SCRT2: variants seen among roughly 807,000 people sequenced by gnomAD.
SCRT2 encodes scratch family transcriptional repressor 2.
SCRT2 carries 2 observed loss-of-function variants against 3.7 expected under a neutral mutation model. The observed-to-expected ratio is 0.54, with a 90% confidence interval of 0.22 to 1.70. SCRT2 has a LOEUF of 1.70. Ranked by LOEUF, SCRT2 falls within the 40% of genes most tolerant of loss-of-function variation. SCRT2 has a pLI of 0.19. For synonymous variants in SCRT2, 256 were observed against 220.6 expected (o/e 1.16, Z -1.42); for missense variants, 456 against 468.5 (o/e 0.97, Z 0.25).
chr20:666,181 G>A lies in SCRT2; in HGVS notation c.134-1720C>T, dbSNP rs374486264. ...GGGGGGCTCTGTGGTTGGATGTAAA[G>A]GGGGATAGTGATAGTGGCAATTTTT... On this transcript the variant is annotated intron_variant, in intron 1 of 1. Transcript: ENST00000246104. The surrounding 1 kb of genome is among the most constrained non-coding windows in gnomAD (Gnocchi z 4.4). Among the ~76,000 whole-genome samples, 28 of 152,248 alleles carry A rather than the reference G, an allele frequency of 1.8e-4. No individual in the cohort carries two copies. In the East Asian group the frequency reaches 5.0e-3, roughly 27 times the overall value.
rs1472553281 is a variant in SCRT2 at position 663,681 on chromosome 20, G to C, written c.914C>G (p.Pro305Arg). 3.3e-6 allele frequency: 5 copies of C among 1,498,968 alleles called. No individual in the cohort carries two copies. The highest frequency in any genetic ancestry group is 4.4e-6 in the Non-Finnish European group (5 of 1,126,738). 92.9% of individuals were successfully genotyped at this position (1,498,968 alleles called of 1,614,324 possible). A position where few individuals can be genotyped will look rare whatever the true frequency, so the allele number is the denominator to read the frequency against. The change falls in exon 2 of 2, where the codon CCG (proline) becomes CGG (arginine). Residue 305 changes from proline to arginine, a missense_variant. Physicochemically the swap from Pro to Arg is moderately radical, Grantham distance 103. Around this residue, in one of 3 missense-constraint regions of SCRT2, gnomAD observed 144 missense variants for 141.9 expected, o/e 1.01. Coordinates refer to ENST00000246104, the MANE Select transcript of SCRT2 (RefSeq NM_033129.4). The surrounding 1 kb of genome is among the most constrained non-coding windows in gnomAD (Gnocchi z 6.9). ...AEPPPPTPAGPAS is the reference protein window; with the variant it reads ...AEPPPPTPAGRAS The stretch of plus-strand genomic sequence containing the variant: ...GGCGAGGCGGAAGGCTCAGCTGGCC[G>C]GGCCGGCGGGGGTCGGCGGGGGTGG...
Position 663,567 on chromosome 20 carries a change from G to A in SCRT2, c.*104C>T. 9 of 1,127,248 alleles carry A rather than the reference G, an allele frequency of 8.0e-6. No homozygotes were observed. Among genetic ancestry groups the A allele is most frequent in the Non-Finnish European group, 1.0e-5 (9 of 878,628 alleles). The allele number at this position is 1,127,248 out of a possible 1,614,324, so 69.8% of individuals were successfully genotyped here. On this transcript the variant is annotated 3_prime_UTR_variant, in exon 2 of 2. Transcript: ENST00000246104. The surrounding 1 kb of genome is among the most constrained non-coding windows in gnomAD (Gnocchi z 6.9). ...CGGGGGTCCCCACGAGAGGGTCATG[G>A]GCAGGGAAACGCAGCCGGGGCTGGG...
chr20:669,881 GC>G, intron 1 of SCRT2, among the ~76,000 whole-genome samples: 1 of 152,224 alleles, frequency 6.6e-6, no homozygotes, highest in East Asian at 1.9e-4. Flanking sequence ...AGGCCTGGCA[GC>G]TGGTACATCT....
In SCRT2 at chr20:667,917, C is replaced by G. The variant is rs1422751552; in HGVS notation, c.134-3456G>C. ...AGATGGACTGGAATGGTCTAAAGAC[C>G]CTTTCTGCATCATGGCTGAATCAGT... On this transcript the variant is annotated intron_variant, in intron 1 of 1. Coordinates refer to ENST00000246104, the MANE Select transcript of SCRT2 (RefSeq NM_033129.4). The surrounding 1 kb of genome is among the most constrained non-coding windows in gnomAD (Gnocchi z 4.4). Among the ~76,000 whole-genome samples, 1 of 152,076 alleles carries G rather than the reference C, an allele frequency of 6.6e-6. No homozygotes were observed. Among genetic ancestry groups the G allele is most frequent in the South Asian group, 2.1e-4 (1 of 4,820 alleles).
rs1289158172 is a variant in SCRT2, at chr20:675,066, A to ACCT, written c.133+400_133+402dup. On this transcript the variant is annotated intron_variant, in intron 1 of 1. Coordinates refer to ENST00000246104, the MANE Select transcript of SCRT2 (RefSeq NM_033129.4). This position sits in a 1 kb window ranked among gnomAD's most constrained non-coding sequence, Gnocchi z 6.9. ...AGGGACTGAACATCCAGGGCTCTTT[A>ACCT]CCTTCCCCCTTCCCGGGCAGCCAGC... Among the ~76,000 whole-genome samples, 14 of 151,994 alleles carry ACCT rather than the reference A, an allele frequency of 9.2e-5. 1 individual carries two copies. Among genetic ancestry groups the ACCT allele is most frequent in the African/African-American group, 3.1e-4 (13 of 41,442 alleles).
In SCRT2 at chr20:663,280, A is replaced by C; in HGVS notation, c.*391T>G. 2 of 200,114 alleles carry C rather than the reference A, an allele frequency of 1.0e-5. No homozygotes were observed. The highest frequency in any genetic ancestry group is 1.0e-5 in the Non-Finnish European group (1 of 99,794). The allele number at this position is 200,114 out of a possible 1,614,324, so 12.4% of individuals were successfully genotyped here. A position where few individuals can be genotyped will look rare whatever the true frequency, so the allele number is the denominator to read the frequency against. ...TGGGGGCTCCAGTAGAGGAATGGTC[A>C]GAGAGATTCAGCTGAGAAGCGAGAG... On this transcript the variant is annotated 3_prime_UTR_variant, in exon 2 of 2. Transcript: ENST00000246104. The surrounding 1 kb of genome is among the most constrained non-coding windows in gnomAD (Gnocchi z 6.9).
Position 664,221 on chromosome 20 carries a change from C to T in SCRT2, c.374G>A (p.Gly125Asp), listed in dbSNP as rs1984073331. ...DGRSRRRRGG[G>D]GGDAGGSGDA... The stretch of plus-strand genomic sequence containing the variant: ...TCCCGAGCCCCCCGCGTCCCCGCCG[C>T]CCCCGCCCCGCCGCCGCCGCGAGCG... Residue 125 changes from glycine to aspartate, a missense_variant, in exon 2 of 2, where the codon GGC becomes GAC. By Grantham distance (94) the Gly-to-Asp change is moderately conservative. This residue lies in a region of SCRT2 where 306 missense variants were observed against 305.3 expected (regional missense o/e 1.00). Transcript: ENST00000246104. This position sits in a 1 kb window ranked among gnomAD's most constrained non-coding sequence, Gnocchi z 7.9. 2 of 1,276,846 alleles carry T rather than the reference C, an allele frequency of 1.6e-6. No individual in the cohort carries two copies. Among genetic ancestry groups the T allele is most frequent in the Non-Finnish European group, 2.0e-6 (2 of 1,004,384 alleles). 79.1% of individuals were successfully genotyped at this position (1,276,846 alleles called of 1,614,324 possible). A position where few individuals can be genotyped will look rare whatever the true frequency, so the allele number is the denominator to read the frequency against.
At chr20:669,125 G>A (rs1029025188) in intron 1 of SCRT2, among the ~76,000 whole-genome samples, 11 of 149,170 alleles carry the variant, frequency 7.4e-5, no homozygotes, top group African/African-American at 2.7e-4. Flanking sequence ...TAGTTAGCCT[G>A]TGGTGGGGTG....
In SCRT2 at chr20:663,513, G is replaced by A; in HGVS notation, c.*158C>T. Reference sequence around the variant, plus strand: ...GTGTGGAAGTGAGTCGTGGGTTTGGGGGTTGGGGAGAAAAGTTCCGGGCCG... The same window carrying A: ...GTGTGGAAGTGAGTCGTGGGTTTGGAGGTTGGGGAGAAAAGTTCCGGGCCG... On this transcript the variant is annotated 3_prime_UTR_variant, in exon 2 of 2. Coordinates refer to ENST00000246104, the MANE Select transcript of SCRT2 (RefSeq NM_033129.4). The surrounding 1 kb of genome is among the most constrained non-coding windows in gnomAD (Gnocchi z 6.9). The A allele has an allele frequency of 3.4e-6, 2 of 586,500 alleles. No homozygotes were observed. The highest frequency in any genetic ancestry group is 5.1e-6 in the Non-Finnish European group (2 of 394,030). 36.3% of individuals were successfully genotyped at this position (586,500 alleles called of 1,614,324 possible). A position where few individuals can be genotyped will look rare whatever the true frequency, so the allele number is the denominator to read the frequency against.
At position 664,020 on chromosome 20, in the gene SCRT2, C is replaced by G; in HGVS notation, c.575G>C (p.Gly192Ala). 1 of 1,611,996 alleles carries G rather than the reference C, an allele frequency of 6.2e-7. No individual in the cohort carries two copies. The highest frequency in any genetic ancestry group is 8.5e-7 in the Non-Finnish European group (1 of 1,179,624). The change falls in exon 2 of 2, where the codon GGC (glycine) becomes GCC (alanine). Residue 192 changes from glycine (G) to alanine (A), a missense_variant. By Grantham distance (60) the Gly-to-Ala change is moderately conservative. Transcript: ENST00000246104. This position sits in a 1 kb window ranked among gnomAD's most constrained non-coding sequence, Gnocchi z 7.9. ...CGCGGGCATGGACACGTAGGCCTTG[C>G]CGCACGTCGGGCATTTGCGCGCCAG... is the stretch of plus-strand genomic sequence containing the variant. ...SQLARKCPTC[G>A]KAYVSMPALA...
In SCRT2 at chr20:663,588, C is replaced by T; in HGVS notation, c.*83G>A. The T allele has an allele frequency of 8.1e-7, 1 of 1,238,532 alleles. No homozygotes were observed. The highest frequency in any genetic ancestry group is 1.0e-6 in the Non-Finnish European group (1 of 977,628). The allele number at this position is 1,238,532 out of a possible 1,614,324, so 76.7% of individuals were successfully genotyped here. A position where few individuals can be genotyped will look rare whatever the true frequency, so the allele number is the denominator to read the frequency against. The stretch of plus-strand genomic sequence containing the variant: ...CATGGGCAGGGAAACGCAGCCGGGG[C>T]TGGGCGAGGGCGCTGCGGGCGCAGG... On this transcript the variant is annotated 3_prime_UTR_variant, in exon 2 of 2. Coordinates refer to ENST00000246104, the MANE Select transcript of SCRT2 (RefSeq NM_033129.4). This position sits in a 1 kb window ranked among gnomAD's most constrained non-coding sequence, Gnocchi z 6.9.
At chr20:672,380 G>A (rs971224213) in intron 1 of SCRT2, among the ~76,000 whole-genome samples, 1 of 143,670 alleles carries the variant, frequency 7.0e-6, no homozygotes, top group Non-Finnish European at 1.5e-5. Flanking sequence ...GCAAAGAAGA[G>A]CATTGCTCGT....
chr20:675,518 CA>C lies in SCRT2; in HGVS notation c.83del (p.Leu28TrpfsTer75). The C allele has an allele frequency of 7.2e-7, 1 of 1,394,334 alleles. No homozygotes were observed. Among genetic ancestry groups the C allele is most frequent in the Non-Finnish European group, 9.4e-7 (1 of 1,069,106 alleles). 86.4% of individuals were successfully genotyped at this position (1,394,334 alleles called of 1,614,324 possible). ...SGVPAPTYHP[L>X]ETAYVLPGAR... ...CGCCAGGCAGCACGTAGGCTGTCTC[CA>C]AGGGGTGGTAGGTGGGGGCCGGCAC... On this transcript the variant is annotated frameshift_variant, in exon 1 of 2. Coordinates refer to ENST00000246104, the MANE Select transcript of SCRT2 (RefSeq NM_033129.4). LOFTEE classifies it low-confidence loss of function (END_TRUNC). The surrounding 1 kb of genome is among the most constrained non-coding windows in gnomAD (Gnocchi z 6.9).
chr20:668,496 G>A (rs920359556), intron 1 of SCRT2, among the ~76,000 whole-genome samples: 2 of 152,168 alleles, frequency 1.3e-5, no homozygotes. Flanking sequence ...AGAATCTCAG[G>A]TGAGATCTCT....
At chr20:668,774 G>A (rs749734451) in intron 1 of SCRT2, among the ~76,000 whole-genome samples, 33 of 152,326 alleles carry the variant, frequency 2.2e-4, no homozygotes, top group Non-Finnish European at 3.8e-4. Context: ...TGGTGAAAGG[G>A]AAATTTATGA....
In SCRT2 at chr20:663,726, G is replaced by A. The variant is rs2122339923; in HGVS notation, c.869C>T (p.Ala290Val). Residue 290 changes from alanine (A) to valine (V), a missense_variant, in exon 2 of 2, where the codon GCC (alanine) becomes GTC (valine). Coordinates refer to ENST00000246104, the MANE Select transcript of SCRT2 (RefSeq NM_033129.4). This position sits in a 1 kb window ranked among gnomAD's most constrained non-coding sequence, Gnocchi z 6.9. ...KSYLHKHCEA[A>V]CAKAAEPPPP... ...GGGTGGCTCGGCCGCCTTGGCGCAG[G>A]CCGCCTCGCAGTGCTTGTGGAGGTA... 1 of 1,543,160 alleles carries A rather than the reference G, an allele frequency of 6.5e-7. No homozygotes were observed.
chr20:667,802 T>G lies in SCRT2; in HGVS notation c.134-3341A>C, dbSNP rs1420556224. On this transcript the variant is annotated intron_variant, in intron 1 of 1. Transcript: ENST00000246104. The surrounding 1 kb of genome is among the most constrained non-coding windows in gnomAD (Gnocchi z 4.4). ...GTTGAGAGCATCCTGTGAGAGTTTG[T>G]GTGGTCATGTTAGGAGGAGGTGGTT... Among the ~76,000 whole-genome samples the G allele has an allele frequency of 2.0e-5, 3 of 152,164 alleles. No homozygotes were observed. The highest frequency in any genetic ancestry group is 7.2e-5 in the African/African-American group (3 of 41,448).
chr20:664,026 G>C lies in SCRT2; in HGVS notation c.569C>G (p.Thr190Arg), dbSNP rs756968855. Residue 190 changes from threonine (T) to arginine (R), a missense_variant, in exon 2 of 2, where the codon ACG (threonine) becomes AGG (arginine). This residue lies in a region of SCRT2 where 306 missense variants were observed against 305.3 expected (regional missense o/e 1.00). Transcript: ENST00000246104. The surrounding 1 kb of genome is among the most constrained non-coding windows in gnomAD (Gnocchi z 7.9). ...CATGGACACGTAGGCCTTGCCGCAC[G>C]TCGGGCATTTGCGCGCCAGCTGGCT... ...LDSQLARKCPTCGKAYVSMPA... is the reference protein window; with the variant it reads ...LDSQLARKCPRCGKAYVSMPA... 1 of 1,612,122 alleles carries C rather than the reference G, an allele frequency of 6.2e-7. No homozygotes were observed. Among genetic ancestry groups the C allele is most frequent in the Non-Finnish European group, 8.5e-7 (1 of 1,179,644 alleles).
intron 1 of SCRT2, among the ~76,000 whole-genome samples, chr20:672,266 T>A (rs1599924823): frequency 6.6e-6 from 1 of 152,200 alleles, no homozygotes; most frequent in East Asian, 1.9e-4. Context: ...GGGCTCCCCT[T>A]CCCTGTTTAG....
Sources: allele counts gnomAD v4.1 joint callset (sites outside exome capture counted in the v4.1 genomes callset), GRCh38; gene constraint gnomAD v4.1.1; regional missense constraint gnomAD v4.1.1; non-coding constraint Gnocchi (gnomAD v3.1); transcripts MANE v1.5; gene names NCBI Gene and HGNC (gene_info 2026-07-23, HGNC 2026-07-21).